Variants in SEMA6A observed in about 807,000 individuals in gnomAD.
SEMA6A encodes semaphorin 6A.
A neutral mutation model predicts 96.8 loss-of-function variants in SEMA6A; 25 were observed. The observed-to-expected ratio is 0.26, with a 90% CI of 0.19 to 0.36. The LOEUF is 0.36. Ranked by LOEUF, SEMA6A falls within the 10% of genes least tolerant of loss-of-function variation. The pLI, the probability that SEMA6A is intolerant of heterozygous loss-of-function variation, is 1.00. For missense variants in SEMA6A, 1,363 were observed against 1,323.1 expected, an observed-to-expected ratio of 1.03 and a Z score of -0.47; for synonymous variants, 612 against 518.0, an observed-to-expected ratio of 1.18 and a Z score of -2.46.
At chr5:116,515,504 C>A (rs1399394678) in intron 1 of SEMA6A, among the ~76,000 whole-genome samples, 1 of 152,032 alleles carries the variant, frequency 6.6e-6, no homozygotes, top group Non-Finnish European at 1.5e-5. Flanking sequence ...ATGCCTGAAT[C>A]CAAGCATTTT....
At position 116,447,507 on chromosome 5, in the gene SEMA6A, G is replaced by A; in HGVS notation, c.2199C>T (p.Ala733=). Residue 733 remains alanine (A), a synonymous_variant, in exon 19 of 19, where the codon GCC becomes GCT. Coordinates refer to ENST00000343348, the MANE Select transcript of SEMA6A (RefSeq NM_020796.5). ...GCATCTTGGCCGTGTTGCCGGGAGT[G>A]GCGAGCTTGCCGTTGTGCATGAGTG... ...LTPLMHNGKL[A]TPGNTAKMLI... The A allele has an allele frequency of 1.2e-6, 2 of 1,614,086 alleles. No homozygotes were observed. Among genetic ancestry groups the A allele is most frequent in the Non-Finnish European group, 1.7e-6 (2 of 1,179,908 alleles).
rs555012866 is a variant in SEMA6A at position 116,500,965 on chromosome 5, C to G, written c.218+1245G>C. Among the ~76,000 whole-genome samples the G allele has an allele frequency of 2.2e-4, 33 of 152,206 alleles. No homozygotes were observed. In the East Asian group the frequency reaches 5.8e-3, roughly 27 times the overall value. ...GGAGGAGGTTGCAGTGAGCTGAGAT[C>G]GCGCCACTGCACTCCAGCCTGGACG... On this transcript the variant is annotated intron_variant, in intron 3 of 18. Coordinates refer to ENST00000343348, the MANE Select transcript of SEMA6A (RefSeq NM_020796.5).
intron 18 of SEMA6A, among the ~76,000 whole-genome samples, chr5:116,454,511 ACCACACAGGGCCCGCTG>A (rs1277777687): frequency 5.3e-5 from 8 of 152,338 alleles, no homozygotes; most frequent in Admixed American, 3.9e-4. Flanking sequence ...CGCCCCGCTA[ACCACACAGGGCCCGCTG>A]TAATCCCTAT....
intron 1 of SEMA6A, among the ~76,000 whole-genome samples, chr5:116,515,776 A>G (rs1758640656): frequency 6.6e-6 from 1 of 152,206 alleles, no homozygotes; most frequent in Non-Finnish European, 1.5e-5. Flanking sequence ...GCTCAGGCCT[A>G]AACGGCTGCA....
At chr5:116,543,449 T>C (rs1201817176) in intron 1 of SEMA6A, among the ~76,000 whole-genome samples, 1 of 152,268 alleles carries the variant, frequency 6.6e-6, no homozygotes, top group Admixed American at 6.5e-5. Context: ...TTTTTTCTTC[T>C]TAGAATAATT....
At position 116,448,196 on chromosome 5, in the gene SEMA6A, A is replaced by AAAAAAAT. The variant is rs780426357; in HGVS notation, c.1895-386_1895-385insATTTTTT. On this transcript the variant is annotated intron_variant, in intron 18 of 18. Coordinates refer to ENST00000343348, the MANE Select transcript of SEMA6A (RefSeq NM_020796.5). ...AAAAAAAAAAAAAAAAAAAAAAAAA[A>AAAAAAAT]TTAGCCAGGCGCGGTGGCGGGGGCT... 1.0e-4 allele frequency among the ~76,000 whole-genome samples: 14 copies of AAAAAAAT among 138,700 alleles called. 1 individual carries two copies. Among genetic ancestry groups the AAAAAAAT allele is most frequent in the African/African-American group, 2.5e-4 (9 of 35,658 alleles). The allele number at this position is 138,700 out of a possible 152,430, so 91.0% of individuals were successfully genotyped here.
chr5:116,531,007 A>G (rs563614875), intron 1 of SEMA6A, among the ~76,000 whole-genome samples: 3 of 152,282 alleles, frequency 2.0e-5, no homozygotes, highest in Admixed American at 6.5e-5. Flanking sequence ...TCACCTGCTA[A>G]CTAGTAAGTT....
rs756028754 is a variant in SEMA6A, at chr5:116,477,892, A to G, written c.1603T>C (p.Trp535Arg). 6.2e-7 allele frequency: 1 copy of G among 1,613,976 alleles called. No individual in the cohort carries two copies. Among genetic ancestry groups the G allele is most frequent in the African/African-American group, 1.3e-5 (1 of 75,042 alleles). ...CTGCAGGCACCACCTTCCTTTATCC[A>G]TCCACAATATGGGTCTCTGGAGGCA... Reference protein sequence around the residue: ...CIASRDPYCGWIKEGGACSHL... With the variant: ...CIASRDPYCGRIKEGGACSHL... Residue 535 changes from tryptophan (W) to arginine (R), a missense_variant, in exon 15 of 19, where the codon TGG becomes CGG. Trp to Arg is a moderately radical substitution (Grantham distance 101, BLOSUM62 -3). Around this residue, in one of 2 missense-constraint regions of SEMA6A, gnomAD observed 883 missense variants for 763.6 expected, o/e 1.16. Transcript: ENST00000343348.
intron 18 of SEMA6A, among the ~76,000 whole-genome samples, chr5:116,454,796 G>GTGTGTGTGTGTGTGCA (rs1362884196): frequency 8.7e-5 from 13 of 150,210 alleles, no homozygotes; most frequent in Admixed American, 8.6e-4. Flanking sequence ...TTAAGTGTGT[G>GTGTGTGTGTGTGTGCA]TGTGTGTGTG....
intron 1 of SEMA6A, chr5:116,550,716 C>T (rs552358514): frequency 6.6e-6 from 1 of 152,276 alleles, no homozygotes; most frequent in South Asian, 2.1e-4. Context: ...AACAGGACAT[C>T]ATTTGATCTG....
At position 116,446,695 on chromosome 5, in the gene SEMA6A, G is replaced by A; in HGVS notation, c.3011C>T (p.Pro1004Leu). Reference protein sequence around the residue: ...SLTRSGLKRTPSLKPDVPPKP... With the variant: ...SLTRSGLKRTLSLKPDVPPKP... ...GGGGGGTACGTCCGGCTTTAGCGAG[G>A]GCGTACGCTTCAGCCCCGACCTTGT... Residue 1004 changes from proline to leucine, a missense_variant, in exon 19 of 19, where the codon CCC becomes CTC. By Grantham distance (98) the Pro-to-Leu change is moderately conservative. Transcript: ENST00000343348. 6.3e-7 allele frequency: 1 copy of A among 1,583,692 alleles called. No individual in the cohort carries two copies. The highest frequency in any genetic ancestry group is 8.6e-7 in the Non-Finnish European group (1 of 1,164,018).
In SEMA6A at chr5:116,486,737, G is replaced by C. The variant is rs777006644; in HGVS notation, c.962+12C>G. ...AGAATTGATGAGGTCAACACAGCTA[G>C]GGCATGATTACCTGTTATAAGGTGT... On this transcript the variant is annotated intron_variant, in intron 10 of 18. Coordinates refer to ENST00000343348, the MANE Select transcript of SEMA6A (RefSeq NM_020796.5). 21 of 1,607,088 alleles carry C rather than the reference G, an allele frequency of 1.3e-5. No individual in the cohort carries two copies. Among genetic ancestry groups the C allele is most frequent in the African/African-American group, 4.0e-5 (3 of 74,770 alleles).
At chr5:116,501,813 G>A (rs1178604153) in intron 3 of SEMA6A, among the ~76,000 whole-genome samples, 1 of 152,178 alleles carries the variant, frequency 6.6e-6, no homozygotes, top group African/African-American at 2.4e-5. Flanking sequence ...CTTGAACCCA[G>A]GAGAGGGAGG....
intron 18 of SEMA6A, among the ~76,000 whole-genome samples, chr5:116,456,997 G>T (rs1755054356): frequency 6.6e-6 from 1 of 152,158 alleles, no homozygotes; most frequent in African/African-American, 2.4e-5. Flanking sequence ...TTGAGTTCAT[G>T]TGTCATTCAC....
At chr5:116,513,423 G>A (rs1046097286) in intron 1 of SEMA6A, among the ~76,000 whole-genome samples, 3 of 152,150 alleles carry the variant, frequency 2.0e-5, no homozygotes, top group Middle Eastern at 3.4e-3. Context: ...CACCGTACCC[G>A]GCAAGGCAGC....
At chr5:116,538,886 A>C (rs1057319878) in intron 1 of SEMA6A, among the ~76,000 whole-genome samples, 2 of 152,002 alleles carry the variant, frequency 1.3e-5, no homozygotes, top group African/African-American at 4.8e-5. Flanking sequence ...GCTGTTTCCT[A>C]TGTATTTTCT....
At chr5:116,572,974 C>A (rs1348972039) in intron 1 of SEMA6A, among the ~76,000 whole-genome samples, 5 of 152,182 alleles carry the variant, frequency 3.3e-5, no homozygotes, top group African/African-American at 1.2e-4. Flanking sequence ...CAGCGGAATT[C>A]TGTTTCCTTT....
In SEMA6A at chr5:116,447,676, CGAT is replaced by C; in HGVS notation, c.2027_2029del (p.His676del). ...CTGCACCACAGCCACGTCTTTGCGC[CGAT>C]GATCACAGACGCAGTAGACGGTGAT... On this transcript the variant is annotated inframe_deletion, in exon 19 of 19. Transcript: ENST00000343348. 6.2e-7 allele frequency: 1 copy of C among 1,614,002 alleles called. No homozygotes were observed. The highest frequency in any genetic ancestry group is 8.5e-7 in the Non-Finnish European group (1 of 1,179,886).
chr5:116,564,880 A>G, intron 1 of SEMA6A, among the ~76,000 whole-genome samples: 1 of 152,214 alleles, frequency 6.6e-6, no homozygotes, highest in East Asian at 1.9e-4. Context: ...GTAAAAAAGG[A>G]AAGGTTAAAC....
Sources: gnomAD v4.1 joint callset for allele counts (sites outside exome capture counted in the v4.1 genomes callset) on GRCh38, gnomAD v4.1.1 for gene constraint, gnomAD v4.1.1 regional missense constraint, MANE v1.5 for transcripts, NCBI Gene and HGNC (gene_info 2026-07-23, HGNC 2026-07-21) for gene names.